The following MAPKAPK5 variants were observed in gnomAD, a reference collection of about 807,000 sequenced individuals.
MAPKAPK5 encodes the protein MAPK activated protein kinase 5.
MAPKAPK5 carries 30 observed loss-of-function variants against 65.1 expected under a neutral mutation model. That is an observed-to-expected ratio of 0.46 (90% CI 0.34 to 0.63). MAPKAPK5 has a LOEUF of 0.63. Ranked by LOEUF, MAPKAPK5 falls within the 20% of genes least tolerant of loss-of-function variation. The pLI is 0.01. For missense variants in MAPKAPK5, 433 were observed against 581.4 expected, an observed-to-expected ratio of 0.74 and a Z score of 2.63; for synonymous variants, 179 against 204.6, an observed-to-expected ratio of 0.87 and a Z score of 1.07.
intron 7 of MAPKAPK5, among the ~76,000 whole-genome samples, chr12:111,876,205 C>CAAAAAA (rs751802746): frequency 2.3e-5 from 1 of 43,564 alleles, no homozygotes. Flanking sequence ...GACTCCATCT[C>CAAAAAA]AAAAAAAAAA....
At chr12:111,853,672 T>C (rs7295727) in intron 1 of MAPKAPK5, among the ~76,000 whole-genome samples, 29,708 of 152,018 alleles carry the variant, frequency 0.2, 3,116 homozygotes, top group Middle Eastern at 0.27. Context: ...GTAGCTGGGA[T>C]GACAGGTGCC....
At chr12:111,850,899 C>CTTTTTTT (rs1028992831) in intron 1 of MAPKAPK5, among the ~76,000 whole-genome samples, 1 of 126,106 alleles carries the variant, frequency 7.9e-6, no homozygotes, top group African/African-American at 3.1e-5. Flanking sequence ...AACCCATTTT[C>CTTTTTTT]TTTTTTTTTT....
At chr12:111,859,902 G>A (rs2069375463) in intron 1 of MAPKAPK5, among the ~76,000 whole-genome samples, 1 of 152,088 alleles carries the variant, frequency 6.6e-6, no homozygotes, top group Admixed American at 6.5e-5. Flanking sequence ...ACCCGCCTCA[G>A]CCTCCCAAAG....
chr12:111,880,429 T>TG lies in MAPKAPK5; in HGVS notation c.580-16dup, dbSNP rs757770396. The TG allele has an allele frequency of 1.2e-5, 20 of 1,608,822 alleles. No individual in the cohort carries two copies. The African/African-American group carries it at 2.5e-4, about 20-fold the overall frequency. On this transcript the variant is annotated splice_polypyrimidine_tract_variant and intron_variant, in intron 7 of 13. Transcript: ENST00000550735. ...GTGATTTTCATTAAATGGTCCCCTT[T>TG]GGTCTGACTCTTGACAGGTACTGGA...
chr12:111,851,342 T>C (rs1279376757), intron 1 of MAPKAPK5, among the ~76,000 whole-genome samples: 2 of 152,070 alleles, frequency 1.3e-5, no homozygotes, highest in African/African-American at 4.8e-5. Context: ...CAAGGACTTT[T>C]TGAGAAAGAG....
At chr12:111,866,755 A>G (rs2069627425) in intron 3 of MAPKAPK5, among the ~76,000 whole-genome samples, 1 of 152,136 alleles carries the variant, frequency 6.6e-6, no homozygotes, top group Non-Finnish European at 1.5e-5. Context: ...GATTACAGGC[A>G]TGCGCCACCA....
At position 111,898,599 on chromosome 12, in the gene MAPKAPK5, TAGAGAAG is replaced by T. The variant is rs2070901962; in HGVS notation, c.*5540_*5546del. 6.6e-6 allele frequency: 1 copy of T among 152,138 alleles called. No individual in the cohort carries two copies. Among genetic ancestry groups the T allele is most frequent in the Admixed American group, 6.5e-5 (1 of 15,270 alleles). 9.4% of individuals were successfully genotyped at this position (152,138 alleles called of 1,614,324 possible). A position where few individuals can be genotyped will look rare whatever the true frequency, so the allele number is the denominator to read the frequency against. The stretch of plus-strand genomic sequence containing the variant: ...ATATCCGTGCATTAGGAAAACTTGG[TAGAGAAG>T]ATTATATGCAGATATAAAATATCTA... On this transcript the variant is annotated 3_prime_UTR_variant, in exon 14 of 14. Coordinates refer to ENST00000550735, the MANE Select transcript of MAPKAPK5 (RefSeq NM_003668.4).
chr12:111,869,032 A>G (rs1403209291), intron 5 of MAPKAPK5, among the ~76,000 whole-genome samples, 171 bp downstream of exon 5: 1 of 152,102 alleles, frequency 6.6e-6, no homozygotes, highest in Non-Finnish European at 1.5e-5. Context: ...GACCCCTTTT[A>G]TACTTGGGGG....
At chr12:111,853,148 G>A (rs2136077484) in intron 1 of MAPKAPK5, among the ~76,000 whole-genome samples, 1 of 152,094 alleles carries the variant, frequency 6.6e-6, no homozygotes, top group Non-Finnish European at 1.5e-5. Context: ...GGCGGATCAC[G>A]AGGTCAGGGG....
In MAPKAPK5 at chr12:111,862,176, G is replaced by T. The variant is rs185351888; in HGVS notation, c.37-3074G>T. 1.1e-4 allele frequency among the ~76,000 whole-genome samples: 17 copies of T among 152,264 alleles called. No individual in the cohort carries two copies. The East Asian group carries it at 2.7e-3, about 24-fold the overall frequency. On this transcript the variant is annotated intron_variant, in intron 1 of 13. Transcript: ENST00000550735. ...GTGTTAACTTTTTTGGCCCAGTTGG[G>T]CTCAGTGAAGCCTTAGCTGGCTAGT...
In MAPKAPK5 at chr12:111,899,880, G is replaced by A. The variant is rs1396982897; in HGVS notation, c.*6819G>A. ...GCACATCAAGCGTGAGTCTCCTGTG[G>A]TGTCTACTAGCTGGCAACAAGGGAG... On this transcript the variant is annotated 3_prime_UTR_variant, in exon 14 of 14. Transcript: ENST00000550735. 8.8e-6 allele frequency: 4 copies of A among 455,786 alleles called. No homozygotes were observed. The highest frequency in any genetic ancestry group is 2.3e-5 in the Admixed American group (1 of 42,554). 28.2% of individuals were successfully genotyped at this position (455,786 alleles called of 1,614,324 possible).
intron 9 of MAPKAPK5, chr12:111,885,702 A>AATC (rs2070377533): frequency 1.9e-6 from 1 of 524,648 alleles, no homozygotes; most frequent in African/African-American, 1.9e-5. Flanking sequence ...CTACCATTTT[A>AATC]ATCTCACTTT....
rs1317029977 is a variant in MAPKAPK5 at position 111,896,425 on chromosome 12, AG to A, written c.*3365del. The A allele has an allele frequency of 6.6e-6, 1 of 152,190 alleles. No individual in the cohort carries two copies. The highest frequency in any genetic ancestry group is 2.4e-5 in the African/African-American group (1 of 41,440). 9.4% of individuals were successfully genotyped at this position (152,190 alleles called of 1,614,324 possible). On this transcript the variant is annotated 3_prime_UTR_variant, in exon 14 of 14. Transcript: ENST00000550735. ...GCAACAGCATACCTTGAAAAAAAAC[AG>A]TAGCTCCCAAGGGACTCAGCATGGC...
intron 1 of MAPKAPK5, among the ~76,000 whole-genome samples, chr12:111,862,994 A>T (rs1411508728): frequency 6.6e-6 from 1 of 152,158 alleles, no homozygotes; most frequent in East Asian, 1.9e-4. Context: ...TTAAGTGGGT[A>T]GGTTTGAGTT....
intron 1 of MAPKAPK5, among the ~76,000 whole-genome samples, chr12:111,851,594 G>A (rs1458328441): frequency 1.3e-5 from 2 of 152,190 alleles, no homozygotes; most frequent in Non-Finnish European, 2.9e-5. Context: ...CCAAAGTGCT[G>A]GGATTACAGG....
rs191477341 is a variant in MAPKAPK5 at position 111,882,470 on chromosome 12, T to C, written c.661-1111T>C. ...CACAGCTGTGGTGTGAGGGGGAGTG[T>C]GGGGCCCCAGTGGCAGGCTCACGGG... On this transcript the variant is annotated intron_variant, in intron 8 of 13. Transcript: ENST00000550735. Among the ~76,000 whole-genome samples the C allele has an allele frequency of 3.9e-5, 6 of 152,258 alleles. No homozygotes were observed. The East Asian group carries it at 1.2e-3, about 29-fold the overall frequency.
chr12:111,879,995 TAGAG>T (rs1311469882), intron 7 of MAPKAPK5: 10 of 209,818 alleles, frequency 4.8e-5, no homozygotes, highest in Admixed American at 4.6e-4. Flanking sequence ...CATGGGACAT[TAGAG>T]AGGTTGGCCA....
At position 111,865,237 on chromosome 12, in the gene MAPKAPK5, T is replaced by C; in HGVS notation, c.37-13T>C. 2 of 1,534,648 alleles carry C rather than the reference T, an allele frequency of 1.3e-6. No homozygotes were observed. Among genetic ancestry groups the C allele is most frequent in the Non-Finnish European group, 1.8e-6 (2 of 1,128,054 alleles). Reference sequence around the variant, plus strand: ...AATCATTCTCTGTCCTCTCCCTTTTTTTATATTAATAGGAAACTTCCATTT... The same window carrying C: ...AATCATTCTCTGTCCTCTCCCTTTTCTTATATTAATAGGAAACTTCCATTT... On this transcript the variant is annotated splice_polypyrimidine_tract_variant and intron_variant, in intron 1 of 13. Transcript: ENST00000550735.
chr12:111,891,284 T>G (rs2070598507), intron 13 of MAPKAPK5, among the ~76,000 whole-genome samples: 1 of 149,558 alleles, frequency 6.7e-6, no homozygotes, highest in Admixed American at 6.7e-5. Context: ...TTTTTTTTAG[T>G]GGAGACGGGG....
Sources: allele counts gnomAD v4.1 joint callset (sites outside exome capture counted in the v4.1 genomes callset), GRCh38; gene constraint gnomAD v4.1.1; transcripts MANE v1.5; gene names NCBI Gene and HGNC (gene_info 2026-07-23, HGNC 2026-07-21).